SUPT3H: variants seen among roughly 807,000 people sequenced by gnomAD.
The protein encoded by SUPT3H is SPT3 homolog, SAGA and STAGA complex component.
Under a neutral mutation model 44.3 loss-of-function variants are expected in SUPT3H, and 44 were observed. That is an observed-to-expected ratio of 0.99 (90% CI 0.78 to 1.28). The LOEUF (loss-of-function observed/expected upper bound fraction) is 1.28. Among genes scored for constraint, SUPT3H ranks in the 50% most tolerant of loss-of-function variants. The pLI, the probability that SUPT3H is intolerant of heterozygous loss-of-function variation, is 0.00. For synonymous variants in SUPT3H, 124 were observed against 125.6 expected, an observed-to-expected ratio of 0.99 and a Z score of 0.09; for missense variants, 380 against 387.1, an observed-to-expected ratio of 0.98 and a Z score of 0.15.
At chr6:45,101,329 G>C (rs1355197024) in intron 3 of SUPT3H, among the ~76,000 whole-genome samples, 1 of 152,248 alleles carries the variant, frequency 6.6e-6, no homozygotes, top group Non-Finnish European at 1.5e-5. Context: ...GGAGGCTGAG[G>C]CAGCAGAATC....
At chr6:45,024,797 C>T (rs938580798) in intron 3 of SUPT3H, among the ~76,000 whole-genome samples, 31 of 152,116 alleles carry the variant, frequency 2.0e-4, no homozygotes, top group African/African-American at 7.2e-4. Flanking sequence ...TGTGGGTGGG[C>T]CCCATCCAAT....
At chr6:45,256,265 A>C (rs1773386708) in intron 2 of SUPT3H, among the ~76,000 whole-genome samples, 1 of 152,214 alleles carries the variant, frequency 6.6e-6, no homozygotes, top group Non-Finnish European at 1.5e-5. Flanking sequence ...ATAGACAGTA[A>C]TTTATAAACA....
chr6:44,977,015 T>A (rs1374826140), intron 6 of SUPT3H, among the ~76,000 whole-genome samples: 2 of 152,356 alleles, frequency 1.3e-5, no homozygotes, highest in East Asian at 3.9e-4. Flanking sequence ...TTATTCAGGC[T>A]TTACTCATGA....
At chr6:44,967,030 C>T (rs1776870559) in intron 6 of SUPT3H, among the ~76,000 whole-genome samples, 3 of 152,148 alleles carry the variant, frequency 2.0e-5, no homozygotes. Flanking sequence ...TAGGTGTCAT[C>T]AACAGCATTC....
chr6:45,178,867 C>G (rs547978246), intron 2 of SUPT3H, among the ~76,000 whole-genome samples: 6 of 151,610 alleles, frequency 4.0e-5, no homozygotes, highest in Admixed American at 2.6e-4. Flanking sequence ...TTGAAACCAA[C>G]GAGAACAAAG....
At chr6:44,814,235 T>C (rs1263618438) in intron 11 of SUPT3H, among the ~76,000 whole-genome samples, 2 of 152,048 alleles carry the variant, frequency 1.3e-5, no homozygotes, top group African/African-American at 2.4e-5. Flanking sequence ...TGTCCAAAAA[T>C]AGGATACAAT....
intron 2 of SUPT3H, among the ~76,000 whole-genome samples, chr6:45,218,267 T>C (rs1035482645): frequency 1.3e-5 from 2 of 152,142 alleles, no homozygotes; most frequent in African/African-American, 4.8e-5. Context: ...AAAGATATTA[T>C]ATAATGATCA....
chr6:45,089,374 T>C (rs892948437), intron 3 of SUPT3H, among the ~76,000 whole-genome samples: 1 of 152,022 alleles, frequency 6.6e-6, no homozygotes, highest in Admixed American at 6.6e-5. Flanking sequence ...TTCCTGGGTA[T>C]CCTCTTGAGT....
downstream of SUPT3H, among the ~76,000 whole-genome samples, chr6:44,822,696 G>GTAT (rs1767420782): frequency 1.3e-5 from 2 of 152,278 alleles, no homozygotes; most frequent in East Asian, 1.9e-4. Flanking sequence ...CTGAGACATT[G>GTAT]TATTTGTCTT....
At chr6:45,256,659 A>T (rs879088941) in intron 2 of SUPT3H, among the ~76,000 whole-genome samples, 3 of 152,102 alleles carry the variant, frequency 2.0e-5, no homozygotes, top group African/African-American at 4.8e-5. Context: ...TGTTGGTATA[A>T]ATTTCCCAAT....
At chr6:44,943,556 G>A (rs907328795) in intron 9 of SUPT3H, among the ~76,000 whole-genome samples, 3 of 151,940 alleles carry the variant, frequency 2.0e-5, no homozygotes, top group African/African-American at 4.8e-5. Context: ...GTGAATTTTC[G>A]GCAGGATAAA....
rs547229274 is a variant in SUPT3H at position 44,960,332 on chromosome 6, C to CAGG, written c.580+1418_580+1420dup. Among the ~76,000 whole-genome samples the CAGG allele has an allele frequency of 4.7e-3, 685 of 145,174 alleles. 4 individuals are homozygous for CAGG. The highest frequency in any genetic ancestry group is 7.9e-3 in the Admixed American group (112 of 14,230). On this transcript the variant is annotated intron_variant, in intron 7 of 10. Coordinates refer to ENST00000371459, the MANE Select transcript of SUPT3H (RefSeq NM_003599.4). ...TGAGGCAAGGAGAATCACTTGAACC[C>CAGG]AGGAGGAGGAGGAGGAGGAGGAGGC...
chr6:44,850,586 C>T (rs1279859633), intron 10 of SUPT3H, among the ~76,000 whole-genome samples: 1 of 152,098 alleles, frequency 6.6e-6, no homozygotes, highest in Non-Finnish European at 1.5e-5. Flanking sequence ...CCACTCACTC[C>T]AACTGTTCTC....
At chr6:45,089,388 G>A (rs1022864950) in intron 3 of SUPT3H, among the ~76,000 whole-genome samples, 10 of 151,846 alleles carry the variant, frequency 6.6e-5, no homozygotes, top group African/African-American at 2.4e-4. Flanking sequence ...CTTGAGTGGC[G>A]TCACCCATTT....
chr6:44,927,561 C>A (rs1253859168), intron 10 of SUPT3H, among the ~76,000 whole-genome samples: 1 of 152,070 alleles, frequency 6.6e-6, no homozygotes, highest in African/African-American at 2.4e-5. Context: ...CCCATTTGTT[C>A]TTTAGATTTC....
At chr6:45,362,371 T>C (rs1205533974) in intron 2 of SUPT3H, among the ~76,000 whole-genome samples, 2 of 152,096 alleles carry the variant, frequency 1.3e-5, no homozygotes, top group African/African-American at 2.4e-5. Flanking sequence ...AAAGCAGCAA[T>C]ATAAACAGGC....
chr6:45,206,570 T>C (rs1039659899), intron 2 of SUPT3H, among the ~76,000 whole-genome samples: 1 of 152,024 alleles, frequency 6.6e-6, no homozygotes, highest in Admixed American at 6.6e-5. Context: ...TTTAAATATT[T>C]AAAATTTCAC....
Position 45,241,534 on chromosome 6 carries a change from G to A in SUPT3H, c.101+123667C>T, listed in dbSNP as rs534271585. ...ATAATCTATAGAAACAATGTTTATC[G>A]CTGGCTTGAGGCCAATAAATATGTG... On this transcript the variant is annotated intron_variant, in intron 2 of 10. Coordinates refer to ENST00000371459, the MANE Select transcript of SUPT3H (RefSeq NM_003599.4). Among the ~76,000 whole-genome samples the A allele has an allele frequency of 4.6e-5, 7 of 151,990 alleles. No homozygotes were observed. The South Asian group carries it at 8.3e-4, about 18-fold the overall frequency.
chr6:45,002,046 C>G (rs1171458581), intron 6 of SUPT3H, among the ~76,000 whole-genome samples: 1 of 151,952 alleles, frequency 6.6e-6, no homozygotes, highest in African/African-American at 2.4e-5. Context: ...TGTTATGATA[C>G]AAAGCTTAAC....
Sources: gnomAD v4.1 joint callset for allele counts (sites outside exome capture counted in the v4.1 genomes callset) on GRCh38, gnomAD v4.1.1 for gene constraint, MANE v1.5 for transcripts, NCBI Gene and HGNC (gene_info 2026-07-23, HGNC 2026-07-21) for gene names.